Variants in JARID2 observed in about 807,000 individuals in gnomAD.
JARID2 encodes the protein jumonji and AT-rich interaction domain containing 2.
JARID2 carries 21 observed loss-of-function variants against 125.6 expected under a neutral mutation model. The observed-to-expected ratio is 0.17, with a 90% confidence interval of 0.12 to 0.24. The LOEUF is 0.24. JARID2 is among the 10% of genes least tolerant of loss of function. JARID2 has a pLI of 1.00. For missense variants in JARID2, 1,303 were observed against 1,639.6 expected (o/e 0.79, Z 3.55); for synonymous variants, 736 against 661.6 (o/e 1.11, Z -1.73).
intron 1 of JARID2, among the ~76,000 whole-genome samples, chr6:15,336,644 C>T (rs923259601): frequency 1.4e-5 from 2 of 145,728 alleles, no homozygotes; most frequent in African/African-American, 5.3e-5. Flanking sequence ...TAGTAAAATT[C>T]AGGATTCTTT....
chr6:15,266,740 G>C (rs535268526), intron 1 of JARID2, among the ~76,000 whole-genome samples: 5 of 152,146 alleles, frequency 3.3e-5, no homozygotes, highest in African/African-American at 1.2e-4. Context: ...CTTTGTGGAC[G>C]CATATCTGAT....
chr6:15,250,435 T>C (rs1759401020), intron 1 of JARID2, among the ~76,000 whole-genome samples: 1 of 152,148 alleles, frequency 6.6e-6, no homozygotes, highest in South Asian at 2.1e-4. Flanking sequence ...TTTTCTTTCC[T>C]GGGATGTTTA....
intron 1 of JARID2, among the ~76,000 whole-genome samples, chr6:15,338,108 C>T (rs1762941572): frequency 6.6e-6 from 1 of 152,158 alleles, no homozygotes; most frequent in African/African-American, 2.4e-5. Flanking sequence ...TCCTATTCTC[C>T]AGGTTTTCTT....
chr6:15,388,726 C>A (rs1392036281), intron 2 of JARID2, among the ~76,000 whole-genome samples: 1 of 151,960 alleles, frequency 6.6e-6, no homozygotes, highest in Non-Finnish European at 1.5e-5. Context: ...CATTGACATC[C>A]AAGGAGAGCT....
chr6:15,400,250 T>G (rs1363856890), intron 2 of JARID2, among the ~76,000 whole-genome samples: 1 of 151,784 alleles, frequency 6.6e-6, no homozygotes, highest in Non-Finnish European at 1.5e-5. Context: ...ATGCGGTCAC[T>G]TCATAAGTAA....
rs543167021 is a variant in JARID2 at position 15,352,744 on chromosome 6, TCC to T, written c.46-21368_46-21367del. ...AAAGGCAGGGTGCAACCTCTGCTTT[TCC>T]CCCCTCAGACATGACTGTAAGTCTA... On this transcript the variant is annotated intron_variant, in intron 1 of 17. Coordinates refer to ENST00000341776, the MANE Select transcript of JARID2 (RefSeq NM_004973.4). Among the ~76,000 whole-genome samples, 552 of 152,164 alleles carry T rather than the reference TCC, an allele frequency of 3.6e-3. 5 individuals are homozygous for T. Among genetic ancestry groups the T allele is most frequent in the African/African-American group, 0.012 (515 of 41,488 alleles).
At chr6:15,418,313 A>T (rs1766330432) in intron 3 of JARID2, among the ~76,000 whole-genome samples, 1 of 146,564 alleles carries the variant, frequency 6.8e-6, no homozygotes, top group Non-Finnish European at 1.5e-5. Flanking sequence ...CGCCCTCCCG[A>T]GTTCAAGCCA....
At chr6:15,350,098 A>C (rs566475314) in intron 1 of JARID2, among the ~76,000 whole-genome samples, 211 of 152,256 alleles carry the variant, frequency 1.4e-3, no homozygotes, top group African/African-American at 5.0e-3. Context: ...GAACTCTGCA[A>C]GCCCAGCATC....
intron 1 of JARID2, among the ~76,000 whole-genome samples, chr6:15,312,322 G>A (rs549114779): frequency 6.6e-6 from 1 of 152,174 alleles, no homozygotes; most frequent in South Asian, 2.1e-4. Flanking sequence ...CAAAGTGCTG[G>A]GGTTACAGGC....
At chr6:15,306,152 CAAGTGGCAGACGCTCTT>C (rs1194990156) in intron 1 of JARID2, among the ~76,000 whole-genome samples, 1 of 152,038 alleles carries the variant, frequency 6.6e-6, no homozygotes, top group Non-Finnish European at 1.5e-5. Context: ...TTTGAGATCA[CAAGTGGCAGACGCTCTT>C]AAGTGCGTCA....
In JARID2 at chr6:15,520,286, T is replaced by C. The variant is rs768761265; in HGVS notation, c.*35T>C. The C allele has an allele frequency of 5.4e-6, 8 of 1,488,622 alleles. No individual in the cohort carries two copies. In the Middle Eastern group the frequency reaches 7.4e-4, roughly 137 times the overall value. The allele number at this position is 1,488,622 out of a possible 1,614,324, so 92.2% of individuals were successfully genotyped here. A position where few individuals can be genotyped will look rare whatever the true frequency, so the allele number is the denominator to read the frequency against. On this transcript the variant is annotated 3_prime_UTR_variant, in exon 18 of 18. Transcript: ENST00000341776. ...CGCCCGTGGTCGATTTATATATATT[T>C]TTTTGTAATTATTATATTCTAGTTT... is the stretch of plus-strand genomic sequence containing the variant.
chr6:15,496,035 C>T (rs1461592049), intron 6 of JARID2, 97 bp from the exon 7 acceptor site: 2 of 1,001,002 alleles, frequency 2.0e-6, no homozygotes, highest in Admixed American at 2.2e-5. Flanking sequence ...CTGTTCATCC[C>T]CAGCATCCAG....
intron 1 of JARID2, among the ~76,000 whole-genome samples, chr6:15,333,165 C>CTCGT (rs781718024): frequency 6.6e-6 from 1 of 151,984 alleles, no homozygotes; most frequent in Non-Finnish European, 1.5e-5. Context: ...ATCTCCTGAC[C>CTCGT]TCGTGATCCA....
chr6:15,413,230 G>A (rs1274554725), intron 3 of JARID2, among the ~76,000 whole-genome samples: 1 of 151,878 alleles, frequency 6.6e-6, no homozygotes, highest in Non-Finnish European at 1.5e-5. Context: ...TGTTGGTCAG[G>A]CTGGTCTCCC....
At chr6:15,496,097 C>G in intron 6 of JARID2, 35 bp from the exon 7 acceptor site, 1 of 1,555,406 alleles carries the variant, frequency 6.4e-7, no homozygotes, top group Non-Finnish European at 8.7e-7. Flanking sequence ...ACTAATTCTG[C>G]GTTTTTTTCC....
chr6:15,475,789 C>T (rs1769313839), intron 5 of JARID2, among the ~76,000 whole-genome samples: 1 of 152,212 alleles, frequency 6.6e-6, no homozygotes, highest in Non-Finnish European at 1.5e-5. Context: ...CTCAGTTTTA[C>T]TCCCTCATTT....
intron 10 of JARID2, 45 bp downstream of exon 10, chr6:15,507,299 A>G: frequency 6.2e-7 from 1 of 1,604,668 alleles, no homozygotes; most frequent in Non-Finnish European, 8.5e-7. Flanking sequence ...ATGTGACTGC[A>G]TCCTTTCCCC....
At chr6:15,473,959 G>C (rs1769219187) in intron 5 of JARID2, among the ~76,000 whole-genome samples, 1 of 152,216 alleles carries the variant, frequency 6.6e-6, no homozygotes, top group Admixed American at 6.5e-5. Flanking sequence ...AGTCAGCTTT[G>C]AAGAAAGCTA....
intron 2 of JARID2, among the ~76,000 whole-genome samples, chr6:15,375,814 G>T (rs1764331749): frequency 1.3e-5 from 2 of 152,184 alleles, no homozygotes; most frequent in Non-Finnish European, 2.9e-5. Context: ...AGATTGTATG[G>T]TTGTGATGCT....
Sources: gnomAD v4.1 joint callset for allele counts (sites outside exome capture counted in the v4.1 genomes callset) on GRCh38, gnomAD v4.1.1 for gene constraint, MANE v1.5 for transcripts, NCBI Gene and HGNC (gene_info 2026-07-23, HGNC 2026-07-21) for gene names.